Variants in SLC9B1 observed in about 807,000 individuals in gnomAD.
SLC9B1 encodes solute carrier family 9 member B1, also known as sodium/hydrogen exchanger 9B1.
SLC9B1 carries 32 observed loss-of-function variants against 51.7 expected under a neutral mutation model. That is an observed-to-expected ratio of 0.62 (90% CI 0.47 to 0.83). The LOEUF (loss-of-function observed/expected upper bound fraction) is 0.83. SLC9B1 is among the 40% of genes least tolerant of loss of function. The pLI, the probability that SLC9B1 is intolerant of heterozygous loss-of-function variation, is 0.00. For missense variants in SLC9B1, 406 were observed against 613.2 expected, an observed-to-expected ratio of 0.66 and a Z score of 3.57; for synonymous variants, 145 against 212.7, an observed-to-expected ratio of 0.68 and a Z score of 2.77.
rs186564664 is a variant in SLC9B1 at position 103,016,092 on chromosome 4, C to T, written c.-2+3507G>A. On this transcript the variant is annotated intron_variant, in intron 1 of 11. Transcript: ENST00000296422. Reference sequence around the variant, plus strand: ...GAGGTTGCAGTGAGCTGAGATTGCTCCATTGCACTGTAGCCTGGACAACAA... The same window carrying T: ...GAGGTTGCAGTGAGCTGAGATTGCTTCATTGCACTGTAGCCTGGACAACAA... Among the ~76,000 whole-genome samples, 4 of 134,952 alleles carry T rather than the reference C, an allele frequency of 3.0e-5. No individual in the cohort carries two copies. In the Admixed American group the frequency reaches 3.4e-4, roughly 11 times the overall value. 88.5% of individuals were successfully genotyped at this position (134,952 alleles called of 152,430 possible). A position where few individuals can be genotyped will look rare whatever the true frequency, so the allele number is the denominator to read the frequency against.
intron 6 of SLC9B1, among the ~76,000 whole-genome samples, chr4:102,938,885 G>A (rs1736850118): frequency 6.6e-6 from 1 of 152,032 alleles, no homozygotes; most frequent in Non-Finnish European, 1.5e-5. Context: ...GCAGTGTTAA[G>A]GGAAAAGTTT....
intron 1 of SLC9B1, among the ~76,000 whole-genome samples, chr4:102,997,636 A>G (rs1281465787): frequency 6.6e-6 from 1 of 151,980 alleles, no homozygotes; most frequent in East Asian, 1.9e-4. Context: ...TCTAAATTTT[A>G]TGTATTTTTC....
At chr4:102,926,838 G>A (rs1736206517) in intron 7 of SLC9B1, among the ~76,000 whole-genome samples, 1 of 152,258 alleles carries the variant, frequency 6.6e-6, no homozygotes, top group South Asian at 2.1e-4. Context: ...CACACTACCT[G>A]ACTTCAAACT....
chr4:102,989,355 A>C (rs1739826411), intron 3 of SLC9B1, among the ~76,000 whole-genome samples: 1 of 151,996 alleles, frequency 6.6e-6, no homozygotes, highest in Non-Finnish European at 1.5e-5. Flanking sequence ...TGACAACAAC[A>C]CTATGCTTTA....
chr4:102,904,954 A>G (rs1024585553), intron 11 of SLC9B1, among the ~76,000 whole-genome samples: 14 of 151,178 alleles, frequency 9.3e-5, no homozygotes, highest in African/African-American at 3.4e-4. Context: ...ACTGCACTCC[A>G]GCCTGGGCAA....
At chr4:102,898,894 GTTTTTTGTATTTTTATT>G (rs1048474568), downstream of SLC9B1, among the ~76,000 whole-genome samples, 3 of 151,926 alleles carry the variant, frequency 2.0e-5, no homozygotes, top group African/African-American at 7.3e-5. Flanking sequence ...CGCCTGGCTA[GTTTTTTGTATTTTTATT>G]TTTTTTGTTA....
In SLC9B1 at chr4:102,894,083, C is replaced by A. The variant is rs534044250; in HGVS notation, c.1333-8755G>T. ...TCAATATCAGTTAAGTATATTAACA[C>A]AATTACATAAATGACATCAAAGAAG... On this transcript the variant is annotated intron_variant, in intron 11 of 11. Coordinates refer to the SLC9B1 transcript ENST00000394789. Among the ~76,000 whole-genome samples, 5 of 152,130 alleles carry A rather than the reference C, an allele frequency of 3.3e-5. No individual in the cohort carries two copies. In the South Asian group the frequency reaches 1.0e-3, roughly 32 times the overall value.
intron 6 of SLC9B1, among the ~76,000 whole-genome samples, chr4:102,943,326 G>A (rs993497483): frequency 1.3e-5 from 2 of 151,798 alleles, no homozygotes; most frequent in African/African-American, 4.8e-5. Flanking sequence ...CCCAATACTG[G>A]GTATCTACCC....
chr4:102,955,073 C>T (rs1395698466), intron 3 of SLC9B1, among the ~76,000 whole-genome samples: 1 of 152,130 alleles, frequency 6.6e-6, no homozygotes, highest in Non-Finnish European at 1.5e-5. Context: ...GGGGTTGCTC[C>T]CTGATATGGT....
chr4:102,918,901 T>G (rs569035564), intron 7 of SLC9B1, among the ~76,000 whole-genome samples: 2 of 152,066 alleles, frequency 1.3e-5, no homozygotes, highest in Non-Finnish European at 2.9e-5. Flanking sequence ...CAAAAAAAAA[T>G]ACAAATGGCC....
At chr4:102,961,314 G>GT (rs1738108590) in intron 3 of SLC9B1, among the ~76,000 whole-genome samples, 1 of 152,282 alleles carries the variant, frequency 6.6e-6, no homozygotes, top group African/African-American at 2.4e-5. Context: ...CAATTATTAT[G>GT]TAAGTATCTT....
intron 3 of SLC9B1, chr4:102,962,108 C>T (rs1392570544): frequency 1.3e-5 from 5 of 398,868 alleles, no homozygotes; most frequent in African/African-American, 2.1e-5. Context: ...TGGGTCTCAG[C>T]CCTGTGATCA....
intron 3 of SLC9B1, among the ~76,000 whole-genome samples, chr4:102,963,706 A>G (rs961193911): frequency 5.3e-5 from 8 of 152,238 alleles, no homozygotes; most frequent in African/African-American, 1.4e-4. Context: ...GAAATAATGC[A>G]GTGGTATAAA....
At chr4:102,999,828 T>A (rs960288193) in intron 1 of SLC9B1, among the ~76,000 whole-genome samples, 1 of 152,228 alleles carries the variant, frequency 6.6e-6, no homozygotes, top group Non-Finnish European at 1.5e-5. Flanking sequence ...ATTGTATTAT[T>A]CTGTTTTCAC....
At chr4:102,940,677 G>A (rs1383090220) in intron 6 of SLC9B1, among the ~76,000 whole-genome samples, 1 of 152,104 alleles carries the variant, frequency 6.6e-6, no homozygotes, top group Non-Finnish European at 1.5e-5. Flanking sequence ...GAAATAATCA[G>A]CAGAGTAAAA....
chr4:102,932,567 T>C (rs936481107), intron 6 of SLC9B1, among the ~76,000 whole-genome samples: 3 of 152,076 alleles, frequency 2.0e-5, no homozygotes, highest in Non-Finnish European at 2.9e-5. Flanking sequence ...GATGTAAAAG[T>C]AATAGAAAAA....
chr4:102,987,339 T>C (rs1479831139), intron 3 of SLC9B1, among the ~76,000 whole-genome samples: 1 of 152,174 alleles, frequency 6.6e-6, no homozygotes, highest in East Asian at 1.9e-4. Flanking sequence ...AATCTTACTA[T>C]CAGTTTTTAT....
chr4:102,886,748 C>T (rs1204100752), intron 11 of SLC9B1, among the ~76,000 whole-genome samples: 1 of 118,462 alleles, frequency 8.4e-6, no homozygotes, highest in East Asian at 2.6e-4. Context: ...CCCAAGTACC[C>T]GAGACACAGG....
intron 1 of SLC9B1, among the ~76,000 whole-genome samples, chr4:103,005,196 A>C (rs1740716167): frequency 6.6e-6 from 1 of 151,944 alleles, no homozygotes. Flanking sequence ...CAAAAGACTC[A>C]TCTCACATGC....
Sources: allele counts gnomAD v4.1 joint callset (sites outside exome capture counted in the v4.1 genomes callset), GRCh38; gene constraint gnomAD v4.1.1; transcripts MANE v1.5; gene names NCBI Gene and HGNC (gene_info 2026-07-23, HGNC 2026-07-21).